Variants in NTM observed in about 807,000 individuals in gnomAD.
NTM encodes the protein neurotrimin.
A neutral mutation model predicts 42.1 loss-of-function variants in NTM; 13 were observed. The observed-to-expected ratio is 0.31, with a 90% CI of 0.20 to 0.49. The LOEUF is 0.49. NTM is among the 20% of genes least tolerant of loss of function. The pLI is 0.99. For missense variants in NTM, 373 were observed against 452.8 expected (o/e 0.82, Z 1.60); for synonymous variants, 187 against 179.2 (o/e 1.04, Z -0.35).
At chr11:131,910,792 G>A (rs2054720283) in intron 1 of NTM, 2 of 978,204 alleles carry the variant, frequency 2.0e-6, no homozygotes, top group Non-Finnish European at 2.4e-6. Context: ...CGCAGCCCCT[G>A]CCCCGCCGAG....
At chr11:131,766,295 C>T (rs535801708) in intron 1 of NTM, among the ~76,000 whole-genome samples, 1 of 152,312 alleles carries the variant, frequency 6.6e-6, no homozygotes, top group Non-Finnish European at 1.5e-5. Flanking sequence ...ATCCAAGTGA[C>T]ATAGCACCCA....
chr11:132,143,053 G>C (rs1490473811), intron 2 of NTM, among the ~76,000 whole-genome samples: 1 of 152,124 alleles, frequency 6.6e-6, no homozygotes, highest in Admixed American at 6.5e-5. Flanking sequence ...TCAGATTTCA[G>C]CTGCTGGGGA....
intron 1 of NTM, among the ~76,000 whole-genome samples, chr11:131,575,240 A>G (rs1036710286): frequency 1.3e-5 from 2 of 152,200 alleles, no homozygotes; most frequent in African/African-American, 4.8e-5. Flanking sequence ...ACATTGTTAA[A>G]TTATGGTAAG....
chr11:131,447,361 C>T (rs529622228), intron 1 of NTM, among the ~76,000 whole-genome samples: 1 of 152,284 alleles, frequency 6.6e-6, no homozygotes, highest in Non-Finnish European at 1.5e-5. Context: ...AAAGAGACCC[C>T]CCTTCCCTTT....
chr11:131,419,166 A>G (rs1489113445), intron 1 of NTM, among the ~76,000 whole-genome samples: 1 of 152,084 alleles, frequency 6.6e-6, no homozygotes, highest in African/African-American at 2.4e-5. Context: ...AAACAAACAA[A>G]CAAACAAACA....
rs533211608 is a variant in NTM, at chr11:131,682,012, A to C, written c.83-229552A>C. ...GAGCTGACCAGTCCTTCCAATCTCAAGTGCTGTCTCTGGAAAAAGTACACC... is the reference window on the plus strand; with the variant it reads ...GAGCTGACCAGTCCTTCCAATCTCACGTGCTGTCTCTGGAAAAAGTACACC... On this transcript the variant is annotated intron_variant, in intron 1 of 8. Transcript: ENST00000683400. 5.3e-4 allele frequency among the ~76,000 whole-genome samples: 81 copies of C among 152,214 alleles called. 1 individual carries two copies. The highest frequency in any genetic ancestry group is 1.9e-3 in the African/African-American group (78 of 41,530).
At chr11:131,392,561 G>A (rs779401329) in intron 1 of NTM, among the ~76,000 whole-genome samples, 1 of 152,218 alleles carries the variant, frequency 6.6e-6, no homozygotes, top group Non-Finnish European at 1.5e-5. Context: ...ATTCAATAAA[G>A]CCTCGCCTTG....
chr11:132,041,346 C>A (rs1482942300), intron 2 of NTM, among the ~76,000 whole-genome samples: 1 of 151,492 alleles, frequency 6.6e-6, no homozygotes, highest in African/African-American at 2.4e-5. Flanking sequence ...ATGGAAAAAA[C>A]CAGAGGAGAA....
intron 2 of NTM, among the ~76,000 whole-genome samples, chr11:132,091,129 C>T (rs76315384): frequency 0.051 from 7,733 of 152,226 alleles, 295 homozygotes; most frequent in South Asian, 0.14. Context: ...GAAACCCTAG[C>T]TTATAATCCT....
At chr11:131,498,218 C>A (rs1955552908) in intron 1 of NTM, among the ~76,000 whole-genome samples, 1 of 152,126 alleles carries the variant, frequency 6.6e-6, no homozygotes, top group Admixed American at 6.6e-5. Context: ...TCAGACAGAC[C>A]CAAGTTCAAA....
intron 1 of NTM, among the ~76,000 whole-genome samples, chr11:131,439,631 TCTC>T (rs1949442391): frequency 1.3e-5 from 2 of 152,172 alleles, no homozygotes. Context: ...CGGGATATAA[TCTC>T]CTGGTGTGCT....
At chr11:131,552,810 T>A (rs1348746795) in intron 1 of NTM, among the ~76,000 whole-genome samples, 1 of 85,670 alleles carries the variant, frequency 1.2e-5, no homozygotes, top group Non-Finnish European at 2.6e-5. Context: ...AGAGCAAGAC[T>A]CCGTCTCAAA....
intron 1 of NTM, among the ~76,000 whole-genome samples, chr11:131,507,980 G>A (rs918609895): frequency 6.6e-6 from 1 of 152,110 alleles, no homozygotes; most frequent in African/African-American, 2.4e-5. Context: ...CACGGGCAAG[G>A]ACTTCATGTC....
rs145423518 is a variant in NTM, at chr11:131,521,045, C to G, written c.82+150157C>G. Among the ~76,000 whole-genome samples the G allele has an allele frequency of 1.2e-3, 177 of 152,160 alleles. 1 individual carries two copies. Among genetic ancestry groups the G allele is most frequent in the African/African-American group, 4.1e-3 (170 of 41,522 alleles). ...CAAGAGAAAGAAGCAAGGTGCTTGG[C>G]CAGGCGTGGTGGCTCATGCCTGTAA... On this transcript the variant is annotated intron_variant, in intron 1 of 8. Coordinates refer to ENST00000683400, the MANE Select transcript of NTM (RefSeq NM_001352005.2).
At chr11:131,534,834 C>G (rs1591968350) in intron 1 of NTM, 1 of 152,250 alleles carries the variant, frequency 6.6e-6, no homozygotes, top group East Asian at 1.9e-4. Context: ...GAGCACAAAG[C>G]CCTTCTGAGC....
intron 4 of NTM, among the ~76,000 whole-genome samples, chr11:132,287,078 C>G (rs371898144): frequency 6.6e-6 from 1 of 152,126 alleles, no homozygotes; most frequent in Non-Finnish European, 1.5e-5. Context: ...CATTTGAGAC[C>G]CCTCAGGCTG....
chr11:131,940,753 G>A (rs1219293344), intron 2 of NTM, among the ~76,000 whole-genome samples: 3 of 152,096 alleles, frequency 2.0e-5, no homozygotes, highest in Non-Finnish European at 4.4e-5. Flanking sequence ...CTCTCTTTGT[G>A]CCCAGCCAAT....
intron 2 of NTM, among the ~76,000 whole-genome samples, chr11:132,010,652 C>G (rs545455253): frequency 6.7e-6 from 1 of 148,352 alleles, no homozygotes; most frequent in African/African-American, 2.5e-5. Context: ...CTGCTAGGCT[C>G]TAATATGAAC....
chr11:131,496,429 T>G (rs937977630), intron 1 of NTM, among the ~76,000 whole-genome samples: 5 of 152,362 alleles, frequency 3.3e-5, no homozygotes, highest in African/African-American at 1.2e-4. Context: ...CCCTTTGTGA[T>G]AGCACTCAGC....
Sources: allele counts gnomAD v4.1 joint callset (sites outside exome capture counted in the v4.1 genomes callset), GRCh38; gene constraint gnomAD v4.1.1; transcripts MANE v1.5; gene names NCBI Gene and HGNC (gene_info 2026-07-23, HGNC 2026-07-21).